DGKB: variants seen among roughly 807,000 people sequenced by gnomAD.
DGKB encodes diacylglycerol kinase beta.
A neutral mutation model predicts 114.3 loss-of-function variants in DGKB; 67 were observed. The observed-to-expected ratio is 0.59, with a 90% CI of 0.48 to 0.72. The LOEUF (loss-of-function observed/expected upper bound fraction) is 0.72, where lower values mean the gene tolerates loss of function less well. Ranked by LOEUF, DGKB falls within the 30% of genes least tolerant of loss-of-function variation. DGKB has a pLI of 0.00. For missense variants in DGKB, 907 were observed against 975.2 expected (o/e 0.93, Z 0.93); for synonymous variants, 398 against 323.1 (o/e 1.23, Z -2.49).
chr7:14,729,917 A>G (rs1488254225), intron 5 of DGKB, among the ~76,000 whole-genome samples: 1 of 152,208 alleles, frequency 6.6e-6, no homozygotes, highest in Non-Finnish European at 1.5e-5. Flanking sequence ...AAATTACTAA[A>G]TGGCACACCT....
chr7:14,250,709 T>G (rs976416230), intron 23 of DGKB, among the ~76,000 whole-genome samples: 64 of 152,174 alleles, frequency 4.2e-4, no homozygotes, highest in Middle Eastern at 3.2e-3. Flanking sequence ...ATTTTCTGTC[T>G]GTGTGAAGAT....
intron 1 of DGKB, among the ~76,000 whole-genome samples, chr7:14,963,211 G>T (rs895194525): frequency 1.3e-5 from 2 of 152,040 alleles, no homozygotes; most frequent in Non-Finnish European, 2.9e-5. Flanking sequence ...GTGGCCAAGA[G>T]GGGGGTTACT....
At chr7:14,484,212 A>G (rs1783423137) in intron 20 of DGKB, among the ~76,000 whole-genome samples, 1 of 152,194 alleles carries the variant, frequency 6.6e-6, no homozygotes, top group African/African-American at 2.4e-5. Flanking sequence ...CAAAGCCTAT[A>G]TATATGTCAA....
At chr7:14,639,281 A>C in intron 13 of DGKB, among the ~76,000 whole-genome samples, 1 of 152,234 alleles carries the variant, frequency 6.6e-6, no homozygotes, top group Non-Finnish European at 1.5e-5. Context: ...ATATTGACAA[A>C]GTGTGGCTTA....
intron 20 of DGKB, among the ~76,000 whole-genome samples, chr7:14,534,676 T>C (rs1792136671): frequency 6.6e-6 from 1 of 152,058 alleles, no homozygotes; most frequent in Admixed American, 6.6e-5. Context: ...AGAGTTGGGA[T>C]GACTATACTT....
chr7:14,486,491 A>C (rs62443471), intron 20 of DGKB, among the ~76,000 whole-genome samples: 14,458 of 152,152 alleles, frequency 0.095, 1,098 homozygotes, highest in East Asian at 0.45. Flanking sequence ...TGGGAGGAAA[A>C]GACATCCAGC....
chr7:14,931,874 T>C (rs940818758), intron 1 of DGKB, among the ~76,000 whole-genome samples: 2 of 152,078 alleles, frequency 1.3e-5, no homozygotes, highest in Admixed American at 6.6e-5. Context: ...CCTGGTTTCA[T>C]TGCCAGTTTC....
At chr7:14,305,336 G>C (rs1471682450) in intron 23 of DGKB, among the ~76,000 whole-genome samples, 1 of 152,042 alleles carries the variant, frequency 6.6e-6, no homozygotes, top group Non-Finnish European at 1.5e-5. Context: ...CTACCTCCAT[G>C]AGATCAATTT....
intron 6 of DGKB, among the ~76,000 whole-genome samples, chr7:14,715,492 G>C (rs1318531066): frequency 6.6e-6 from 1 of 152,014 alleles, no homozygotes; most frequent in Non-Finnish European, 1.5e-5. Flanking sequence ...CCAACAAGGA[G>C]AGATAAAAAT....
At chr7:14,862,518 G>A (rs1016258293) in intron 1 of DGKB, among the ~76,000 whole-genome samples, 5 of 151,970 alleles carry the variant, frequency 3.3e-5, no homozygotes, top group African/African-American at 1.2e-4. Flanking sequence ...TCATCTTACA[G>A]ATAAGAAAAC....
intron 21 of DGKB, among the ~76,000 whole-genome samples, chr7:14,435,722 G>GA (rs1333944284): frequency 6.6e-6 from 1 of 151,828 alleles, no homozygotes; most frequent in Non-Finnish European, 1.5e-5. Flanking sequence ...CAATAATCAA[G>GA]AAAAAAGTGA....
chr7:14,771,578 G>A lies in DGKB; in HGVS notation c.71-13847C>T, dbSNP rs76057604. ...CCAAATTCTTTTCTATGGGGTCTAG[G>A]GAATTGGGCCTTACAAATCATAAAT... On this transcript the variant is annotated intron_variant, in intron 2 of 25. Coordinates refer to ENST00000402815, the MANE Select transcript of DGKB (RefSeq NM_001350709.2). 2.0e-5 allele frequency among the ~76,000 whole-genome samples: 3 copies of A among 152,072 alleles called. No homozygotes were observed. In the East Asian group the frequency reaches 5.8e-4, roughly 29 times the overall value.
At chr7:14,545,324 G>C (rs1193234751) in intron 20 of DGKB, among the ~76,000 whole-genome samples, 1 of 152,132 alleles carries the variant, frequency 6.6e-6, no homozygotes, top group Non-Finnish European at 1.5e-5. Context: ...ATGAGTATGA[G>C]TGTTCGACCA....
intron 1 of DGKB, among the ~76,000 whole-genome samples, chr7:14,853,680 C>T (rs1437043280): frequency 6.6e-6 from 1 of 151,558 alleles, no homozygotes; most frequent in Admixed American, 6.6e-5. Context: ...CACGGTGAAA[C>T]CACGTCTCTA....
upstream of DGKB, among the ~76,000 whole-genome samples, chr7:14,905,479 T>A (rs1157536217): frequency 6.6e-6 from 1 of 152,128 alleles, no homozygotes. Context: ...TCTGCTCCCA[T>A]CACTAGATTT....
chr7:14,392,983 T>TTTTTTTTTTTTG, intron 21 of DGKB, among the ~76,000 whole-genome samples: 1 of 88,880 alleles, frequency 1.1e-5, no homozygotes, highest in Non-Finnish European at 2.2e-5. Context: ...AACAGACCTG[T>TTTTTTTTTTTTG]TTTTTGTTTT....
chr7:14,226,128 A>C (rs1468076865), intron 23 of DGKB, among the ~76,000 whole-genome samples: 1 of 151,998 alleles, frequency 6.6e-6, no homozygotes, highest in Non-Finnish European at 1.5e-5. Context: ...CAGAATCCCA[A>C]GAAGGTATAA....
chr7:14,164,722 T>A (rs1176052697), intron 25 of DGKB, among the ~76,000 whole-genome samples: 1 of 152,228 alleles, frequency 6.6e-6, no homozygotes, highest in Non-Finnish European at 1.5e-5. Flanking sequence ...TGTCAAATAC[T>A]GTCCCACTGT....
At chr7:14,425,386 T>C (rs1380241935) in intron 21 of DGKB, among the ~76,000 whole-genome samples, 2 of 152,130 alleles carry the variant, frequency 1.3e-5, no homozygotes, top group Admixed American at 1.3e-4. Flanking sequence ...CTGAACCATA[T>C]AGTTGCTTTA....
Sources: allele counts gnomAD v4.1 joint callset (sites outside exome capture counted in the v4.1 genomes callset), GRCh38; gene constraint gnomAD v4.1.1; transcripts MANE v1.5; gene names NCBI Gene and HGNC (gene_info 2026-07-23, HGNC 2026-07-21).